The following APLP2 variants were observed in gnomAD, a reference collection of about 807,000 sequenced individuals.
APLP2 encodes the protein CDEI box-binding protein.
APLP2 carries 53 observed loss-of-function variants against 89.9 expected under a neutral mutation model. That is an observed-to-expected ratio of 0.59 (90% CI 0.47 to 0.74). The LOEUF (loss-of-function observed/expected upper bound fraction) is 0.74. APLP2 is among the 30% of genes least tolerant of loss of function. The pLI is 0.00. For synonymous variants in APLP2, 372 were observed against 348.6 expected, an observed-to-expected ratio of 1.07 and a Z score of -0.75; for missense variants, 973 against 975.9, an observed-to-expected ratio of 1.00 and a Z score of 0.04.
At chr11:130,090,644 A>G (rs1241049022) in intron 1 of APLP2, among the ~76,000 whole-genome samples, 2 of 151,956 alleles carry the variant, frequency 1.3e-5, no homozygotes, top group East Asian at 1.9e-4. Context: ...ACAAAATGAA[A>G]AGTCTCCCAT....
In APLP2 at chr11:130,130,084, A is replaced by G. The variant is rs980244360; in HGVS notation, c.1502A>G (p.Asn501Ser). 7.4e-6 allele frequency: 12 copies of G among 1,614,152 alleles called. No homozygotes were observed. The African/African-American group carries it at 1.6e-4, about 22-fold the overall frequency. The change falls in exon 11 of 17, where the codon AAC becomes AGC. Residue 501 changes from asparagine (N) to serine (S), a missense_variant. By Grantham distance (46) the Asn-to-Ser change is conservative (BLOSUM62 1). Coordinates refer to ENST00000338167, the MANE Select transcript of APLP2 (RefSeq NM_001142276.2). ...QALRRYVRAE[N>S]KDRLHTIRHY... is the part of the protein sequence containing the mutation. ...TTACGGCGTTATGTCCGTGCTGAGA[A>G]CAAAGATCGCTTACATACCATCCGT...
intron 13 of APLP2, among the ~76,000 whole-genome samples, chr11:130,137,628 G>A (rs1233964469): frequency 6.6e-6 from 1 of 152,252 alleles, no homozygotes; most frequent in Non-Finnish European, 1.5e-5. Context: ...TAGGTTGGTT[G>A]TGAACTGCTG....
chr11:130,142,101 G>A, intron 16 of APLP2, 27 bp downstream of exon 16: 1 of 1,593,410 alleles, frequency 6.3e-7, no homozygotes, highest in Admixed American at 1.7e-5. Context: ...CTGAGGGCCT[G>A]CTCTGCACTG....
In APLP2 at chr11:130,123,215, CT is replaced by C. The variant is rs1048331546; in HGVS notation, c.923-394del. ...ACAATTGTCCGTTCTAGGTGCTTGT[CT>C]TTACTACGGGTATCACCACTTAAAG... On this transcript the variant is annotated intron_variant, in intron 6 of 16. Transcript: ENST00000338167. This position sits in a 1 kb window ranked among gnomAD's most constrained non-coding sequence, Gnocchi z 4.0. 1.3e-5 allele frequency among the ~76,000 whole-genome samples: 2 copies of C among 152,198 alleles called. No individual in the cohort carries two copies. The highest frequency in any genetic ancestry group is 1.3e-4 in the Admixed American group (2 of 15,280).
chr11:130,094,515 C>T (rs1234052107), intron 1 of APLP2, among the ~76,000 whole-genome samples: 1 of 152,146 alleles, frequency 6.6e-6, no homozygotes, highest in Non-Finnish European at 1.5e-5. Context: ...TGTAAAAAAA[C>T]CCAGACCTGC....
At chr11:130,088,884 C>T (rs1944491923) in intron 1 of APLP2, among the ~76,000 whole-genome samples, 1 of 151,938 alleles carries the variant, frequency 6.6e-6, no homozygotes, top group Non-Finnish European at 1.5e-5. Flanking sequence ...GCTTAAAATT[C>T]TTCCAGCCTG....
Position 130,141,199 on chromosome 11 carries a change from C to G in APLP2, c.1924-299C>G, listed in dbSNP as rs1431501620. The G allele has an allele frequency of 1.9e-5, 6 of 309,728 alleles. No individual in the cohort carries two copies. Among genetic ancestry groups the G allele is most frequent in the Non-Finnish European group, 1.8e-5 (3 of 165,914 alleles). The allele number at this position is 309,728 out of a possible 1,614,324, so 19.2% of individuals were successfully genotyped here. ...GGGATTACAGGCGTGAGCCACCGCGCCTGGTGTAAACGGGGCTTTTTGGCA... is the reference window on the plus strand; with the variant it reads ...GGGATTACAGGCGTGAGCCACCGCGGCTGGTGTAAACGGGGCTTTTTGGCA... On this transcript the variant is annotated intron_variant, in intron 14 of 16. Coordinates refer to ENST00000338167, the MANE Select transcript of APLP2 (RefSeq NM_001142276.2). This position sits in a 1 kb window ranked among gnomAD's most constrained non-coding sequence, Gnocchi z 4.2.
chr11:130,092,706 A>AGAGAGAAGGAGAGGGAGAGG (rs1304737799), intron 1 of APLP2, among the ~76,000 whole-genome samples: 1 of 30,632 alleles, frequency 3.3e-5, no homozygotes, highest in Non-Finnish European at 7.1e-5. Flanking sequence ...CCGTGGGGGG[A>AGAGAGAAGGAGAGGGAGAGG]GGGAGGGGGA....
At chr11:130,125,515 T>C (rs1950276866) in intron 7 of APLP2, among the ~76,000 whole-genome samples, 1 of 152,212 alleles carries the variant, frequency 6.6e-6, no homozygotes, top group Non-Finnish European at 1.5e-5. Context: ...AAAACTTATG[T>C]AGGGCTCATA....
At position 130,093,867 on chromosome 11, in the gene APLP2, C is replaced by T. The variant is rs374092875; in HGVS notation, c.106-15562C>T. ...CAAGCTATGCTCCTGCCTCAGCCTC[C>T]CGCGTAGCTGGAATTACAGGCATGT... On this transcript the variant is annotated intron_variant, in intron 1 of 16. Transcript: ENST00000338167. Among the ~76,000 whole-genome samples, 10 of 152,090 alleles carry T rather than the reference C, an allele frequency of 6.6e-5. No individual in the cohort carries two copies. The East Asian group carries it at 1.5e-3, about 23-fold the overall frequency.
At chr11:130,092,704 G>GGGAGAGAGAGGGAGAGGGAGA (rs1945567157) in intron 1 of APLP2, among the ~76,000 whole-genome samples, 1 of 116,666 alleles carries the variant, frequency 8.6e-6, no homozygotes, top group Non-Finnish European at 1.7e-5. Flanking sequence ...GACCGTGGGG[G>GGGAGAGAGAGGGAGAGGGAGA]GAGGGAGGGG....
intron 3 of APLP2, among the ~76,000 whole-genome samples, chr11:130,114,495 C>T (rs1041495050): frequency 2.0e-5 from 3 of 152,208 alleles, no homozygotes; most frequent in Admixed American, 6.5e-5. Context: ...TATCTACATT[C>T]ATTTGTCTTA....
chr11:130,140,297 T>C lies in APLP2; in HGVS notation c.1838-101T>C, dbSNP rs1952196294. 3.7e-6 allele frequency: 3 copies of C among 819,118 alleles called. No individual in the cohort carries two copies. The Admixed American group carries it at 8.0e-5, about 22-fold the overall frequency. The allele number at this position is 819,118 out of a possible 1,614,324, so 50.7% of individuals were successfully genotyped here. ...ATGAGTCGCGTGGGGAGGTGCGTGT[T>C]GAGGGGCTCACTGGCCCTCAGGAGG... On this transcript the variant is annotated intron_variant, in intron 13 of 16. Coordinates refer to ENST00000338167, the MANE Select transcript of APLP2 (RefSeq NM_001142276.2).
chr11:130,124,908 G>C (rs572439266), intron 7 of APLP2, among the ~76,000 whole-genome samples: 2 of 152,320 alleles, frequency 1.3e-5, no homozygotes, highest in African/African-American at 4.8e-5. Flanking sequence ...TGTAAAACTT[G>C]GACTGAAGCC....
At chr11:130,137,284 G>A in intron 13 of APLP2, 1 of 1,613,982 alleles carries the variant, frequency 6.2e-7, no homozygotes, top group Non-Finnish European at 8.5e-7. Context: ...ACCACCCAAT[G>A]AAAAAAGGTT....
chr11:130,090,677 A>G (rs1041464838), intron 1 of APLP2, among the ~76,000 whole-genome samples: 4 of 152,102 alleles, frequency 2.6e-5, no homozygotes, highest in Non-Finnish European at 4.4e-5. Flanking sequence ...CTACACAGAC[A>G]CGGCAACCAT....
At chr11:130,127,166 C>T (rs999960275) in intron 8 of APLP2, among the ~76,000 whole-genome samples, 1 of 151,312 alleles carries the variant, frequency 6.6e-6, no homozygotes, top group South Asian at 2.1e-4. Flanking sequence ...TACCATTTGC[C>T]GTGAGAAGAA....
intron 1 of APLP2, among the ~76,000 whole-genome samples, chr11:130,100,028 T>G (rs1406468538): frequency 1.3e-5 from 2 of 152,280 alleles, no homozygotes; most frequent in Non-Finnish European, 2.9e-5. Context: ...CTCCCAATGC[T>G]TGAAGAGCGC....
intron 2 of APLP2, 67 bp downstream of exon 2, chr11:130,109,669 G>T: frequency 6.8e-7 from 1 of 1,478,012 alleles, no homozygotes; most frequent in East Asian, 2.4e-5. Context: ...GTTTACCTTA[G>T]AAATAGATAT....
Sources: gnomAD v4.1 joint callset for allele counts (sites outside exome capture counted in the v4.1 genomes callset) on GRCh38, gnomAD v4.1.1 for gene constraint, Gnocchi (gnomAD v3.1) non-coding constraint, MANE v1.5 for transcripts, NCBI Gene and HGNC (gene_info 2026-07-23, HGNC 2026-07-21) for gene names.